Variants in GFRA1 observed in about 807,000 individuals in gnomAD.
The protein encoded by GFRA1 is GDNF family receptor alpha 1.
A neutral mutation model predicts 51.6 loss-of-function variants in GFRA1; 16 were observed. That is an observed-to-expected ratio of 0.31 (90% CI 0.21 to 0.47). The LOEUF is 0.47. Among genes scored for constraint, GFRA1 ranks in the 20% least tolerant of loss-of-function variants. The probability of loss-of-function intolerance (pLI) is 1.00; values close to 1 mark genes in which losing one functional copy is unlikely to be tolerated. For synonymous variants in GFRA1, 270 were observed against 241.3 expected (o/e 1.12, Z -1.10); for missense variants, 530 against 594.3 (o/e 0.89, Z 1.13).
intron 5 of GFRA1, among the ~76,000 whole-genome samples, chr10:116,139,322 AG>A (rs1186468657): frequency 1.3e-5 from 2 of 152,212 alleles, no homozygotes; most frequent in African/African-American, 2.4e-5. Context: ...ATAAGATCCC[AG>A]GGCTAAATGA....
At chr10:116,111,360 G>A (rs2133967874) in intron 6 of GFRA1, among the ~76,000 whole-genome samples, 1 of 152,304 alleles carries the variant, frequency 6.6e-6, no homozygotes, top group Middle Eastern at 3.4e-3. Context: ...CCATCAGCTT[G>A]TCTCAGTATC....
At chr10:116,145,850 T>C (rs1038650661) in intron 5 of GFRA1, among the ~76,000 whole-genome samples, 1 of 152,048 alleles carries the variant, frequency 6.6e-6, no homozygotes, top group Admixed American at 6.5e-5. Context: ...ATTCACACAA[T>C]GAAATACTAC....
chr10:116,116,292 T>C (rs1400103204), intron 6 of GFRA1, among the ~76,000 whole-genome samples: 1 of 152,166 alleles, frequency 6.6e-6, no homozygotes, highest in Non-Finnish European at 1.5e-5. Context: ...TTCCTGATGA[T>C]TAACATAATG....
intron 5 of GFRA1, among the ~76,000 whole-genome samples, chr10:116,171,104 C>T (rs540271161): frequency 2.0e-5 from 3 of 152,224 alleles, no homozygotes; most frequent in Non-Finnish European, 4.4e-5. Context: ...CAATGAATCA[C>T]AGGCTTTACT....
Position 116,090,066 on chromosome 10 carries a change from A to G in GFRA1, c.1016-144T>C, listed in dbSNP as rs535901947. On this transcript the variant is annotated intron_variant, in intron 8 of 10. Coordinates refer to ENST00000355422, the MANE Select transcript of GFRA1 (RefSeq NM_005264.8). ...CAAAACGCATCCATCCATTTGCCCT[A>G]TACATGCTGAGAGCCAGTCTTTGGG... 3.7e-5 allele frequency: 29 copies of G among 780,292 alleles called. No individual in the cohort carries two copies. The African/African-American group carries it at 4.8e-4, about 13-fold the overall frequency. The allele number at this position is 780,292 out of a possible 1,614,324, so 48.3% of individuals were successfully genotyped here. A position where few individuals can be genotyped will look rare whatever the true frequency, so the allele number is the denominator to read the frequency against.
At chr10:116,074,485 A>T (rs1955532815) in intron 9 of GFRA1, among the ~76,000 whole-genome samples, 1 of 152,152 alleles carries the variant, frequency 6.6e-6, no homozygotes, top group Non-Finnish European at 1.5e-5. Context: ...GTGTCCTCCC[A>T]AGCTTCACCC....
intron 9 of GFRA1, among the ~76,000 whole-genome samples, chr10:116,077,484 CT>C (rs1955667824): frequency 6.6e-6 from 1 of 152,102 alleles, no homozygotes; most frequent in East Asian, 1.9e-4. Context: ...AATTATTAAA[CT>C]ATAAAATAGA....
chr10:116,214,578 C>A (rs2134458661), intron 4 of GFRA1, among the ~76,000 whole-genome samples: 1 of 152,304 alleles, frequency 6.6e-6, no homozygotes, highest in African/African-American at 2.4e-5. Flanking sequence ...TAATGAAGCA[C>A]AAAAGCTCAT....
chr10:116,100,415 A>G (rs1956772624), intron 6 of GFRA1, among the ~76,000 whole-genome samples: 1 of 152,176 alleles, frequency 6.6e-6, no homozygotes, highest in African/African-American at 2.4e-5. Context: ...ACCACATTCA[A>G]TCTGATGCCA....
chr10:116,250,476 T>C (rs1589910905), intron 4 of GFRA1, among the ~76,000 whole-genome samples: 1 of 152,184 alleles, frequency 6.6e-6, no homozygotes, highest in South Asian at 2.1e-4. Context: ...TATAATTATC[T>C]TCCTTTTTTA....
chr10:116,122,352 C>A (rs528874860), intron 6 of GFRA1, among the ~76,000 whole-genome samples: 1 of 152,274 alleles, frequency 6.6e-6, no homozygotes, highest in South Asian at 2.1e-4. Flanking sequence ...AATACATAGA[C>A]AAGGGCTGTC....
intron 4 of GFRA1, among the ~76,000 whole-genome samples, chr10:116,232,454 C>T (rs985128845): frequency 5.9e-5 from 9 of 151,540 alleles, no homozygotes; most frequent in Non-Finnish European, 8.8e-5. Flanking sequence ...AAAAAGTTCT[C>T]GGCCATTTTT....
chr10:116,065,518 G>A, intron 10 of GFRA1, 55 bp downstream of exon 10: 3 of 1,405,694 alleles, frequency 2.1e-6, no homozygotes, highest in South Asian at 1.2e-5. Flanking sequence ...GCCCCCAGGG[G>A]CCCAAAGGCT....
At chr10:116,140,536 A>T (rs1958517322) in intron 5 of GFRA1, among the ~76,000 whole-genome samples, 2 of 152,188 alleles carry the variant, frequency 1.3e-5, no homozygotes, top group Non-Finnish European at 2.9e-5. Context: ...TTTGTAAAAA[A>T]ATTGAAAATT....
chr10:116,154,326 A>G (rs535496589), intron 5 of GFRA1, among the ~76,000 whole-genome samples: 1 of 152,364 alleles, frequency 6.6e-6, no homozygotes, highest in South Asian at 2.1e-4. Flanking sequence ...CAAATATCCA[A>G]CTGTAGAAAG....
At chr10:116,110,426 GC>G (rs1390938012) in intron 6 of GFRA1, among the ~76,000 whole-genome samples, 4 of 152,140 alleles carry the variant, frequency 2.6e-5, no homozygotes, top group African/African-American at 9.7e-5. Flanking sequence ...CAGGGTTCCT[GC>G]CCACCAGTAG....
chr10:116,153,330 C>T (rs1187011129), intron 5 of GFRA1, among the ~76,000 whole-genome samples: 2 of 152,198 alleles, frequency 1.3e-5, no homozygotes. Context: ...TCCCTTTATA[C>T]ATCTTTCTGG....
intron 4 of GFRA1, among the ~76,000 whole-genome samples, chr10:116,218,323 G>T (rs966021645): frequency 6.6e-6 from 1 of 152,138 alleles, no homozygotes; most frequent in Non-Finnish European, 1.5e-5. Flanking sequence ...GGTAGGTAAG[G>T]GTCAAAAGAG....
intron 4 of GFRA1, among the ~76,000 whole-genome samples, chr10:116,229,517 G>A (rs892671493): frequency 6.6e-6 from 1 of 152,100 alleles, no homozygotes; most frequent in Non-Finnish European, 1.5e-5. Flanking sequence ...CTTCTCAGGT[G>A]GAAGGAGATA....
Sources: gnomAD v4.1 joint callset for allele counts (sites outside exome capture counted in the v4.1 genomes callset) on GRCh38, gnomAD v4.1.1 for gene constraint, MANE v1.5 for transcripts, NCBI Gene and HGNC (gene_info 2026-07-23, HGNC 2026-07-21) for gene names.